Variants in CASD1 observed in about 807,000 individuals in gnomAD.
CASD1 encodes N-acetylneuraminate (7)9-O-acetyltransferase.
CASD1 carries 41 observed loss-of-function variants against 100.0 expected under a neutral mutation model. The observed-to-expected ratio is 0.41, with a 90% confidence interval of 0.32 to 0.53. The LOEUF (loss-of-function observed/expected upper bound fraction) is 0.53, where lower values mean the gene tolerates loss of function less well. CASD1 is among the 20% of genes least tolerant of loss of function. CASD1 has a pLI of 0.25. For synonymous variants in CASD1, 321 were observed against 315.6 expected, an observed-to-expected ratio of 1.02 and a Z score of -0.18; for missense variants, 774 against 948.7, an observed-to-expected ratio of 0.82 and a Z score of 2.42.
chr7:94,562,980 A>G, the CASD1 span, among the ~76,000 whole-genome samples: 1,616 of 152,226 alleles, frequency 0.011, 28 homozygotes, highest in African/African-American at 0.037. Context: ...CTTCAGAAAA[A>G]TAAGAGACAC....
At chr7:94,557,636 C>T (rs563608784), downstream of CASD1, among the ~76,000 whole-genome samples, 5 of 152,108 alleles carry the variant, frequency 3.3e-5, no homozygotes, top group Admixed American at 2.0e-4. Flanking sequence ...GTAGGGATGC[C>T]GCAGTGAATA....
chr7:94,622,172 C>T, the CASD1 span: 1 of 152,176 alleles, frequency 6.6e-6, no homozygotes, highest in Admixed American at 6.5e-5. Flanking sequence ...GGTGTTTGCT[C>T]ATTTGTTTTT....
chr7:94,573,887 T>C, the CASD1 span, among the ~76,000 whole-genome samples: 2 of 152,242 alleles, frequency 1.3e-5, no homozygotes, highest in African/African-American at 4.8e-5. Context: ...GCTCTCATTA[T>C]TTTGAAGTAT....
chr7:94,535,634 ACT>A (rs1455969378), intron 8 of CASD1, 111 bp downstream of exon 8: 4 of 745,036 alleles, frequency 5.4e-6, no homozygotes, highest in Non-Finnish European at 6.6e-6. Flanking sequence ...AGTCTTAGTA[ACT>A]TGTAGTTATT....
the CASD1 span, chr7:94,600,067 C>G: frequency 1.9e-4 from 42 of 225,072 alleles, 1 homozygote; most frequent in African/African-American, 9.4e-4. Flanking sequence ...CTTTGTTGCC[C>G]TGACTTCCAG....
At chr7:94,594,035 G>GTGGT in the CASD1 span, among the ~76,000 whole-genome samples, 3 of 152,052 alleles carry the variant, frequency 2.0e-5, no homozygotes, top group Non-Finnish European at 2.9e-5. Context: ...CTGACACAAC[G>GTGGT]TGGTTTGGGA....
intron 3 of CASD1, among the ~76,000 whole-genome samples, chr7:94,522,761 C>T (rs1370663987): frequency 6.6e-6 from 1 of 151,964 alleles, no homozygotes; most frequent in Admixed American, 6.6e-5. Flanking sequence ...GGGTTCACGC[C>T]ATTCTCCCGC....
chr7:94,627,098 C>G, the CASD1 span: 1 of 152,012 alleles, frequency 6.6e-6, no homozygotes, highest in Non-Finnish European at 1.5e-5. Context: ...TATAGTTACA[C>G]TGCCTTAAGG....
At chr7:94,546,314 CCA>C (rs1335932242) in intron 12 of CASD1, among the ~76,000 whole-genome samples, 1 of 151,862 alleles carries the variant, frequency 6.6e-6, no homozygotes, top group African/African-American at 2.4e-5. Flanking sequence ...CAAAGTGAGG[CCA>C]CAGTCACTTA....
At chr7:94,601,612 A>G in the CASD1 span, among the ~76,000 whole-genome samples, 1 of 152,090 alleles carries the variant, frequency 6.6e-6, no homozygotes, top group African/African-American at 2.4e-5. Flanking sequence ...TACATTTGCT[A>G]CTAAAATAAA....
At chr7:94,553,778 C>T (rs1796064548) in intron 16 of CASD1, 2 of 117,680 alleles carry the variant, frequency 1.7e-5, no homozygotes, top group African/African-American at 6.1e-5. Context: ...GCACATGTAC[C>T]CTAGAACTTA....
At chr7:94,532,877 G>C (rs962993573) in intron 5 of CASD1, among the ~76,000 whole-genome samples, 1 of 152,048 alleles carries the variant, frequency 6.6e-6, no homozygotes, top group African/African-American at 2.4e-5. Context: ...TAATACACTA[G>C]AGCTTTACTC....
At chr7:94,573,984 A>G in the CASD1 span, among the ~76,000 whole-genome samples, 2 of 152,196 alleles carry the variant, frequency 1.3e-5, no homozygotes, top group African/African-American at 4.8e-5. Context: ...CTATTGAGAT[A>G]ACCATATGGT....
intron 10 of CASD1, among the ~76,000 whole-genome samples, chr7:94,542,483 A>G (rs927334368): frequency 6.6e-6 from 1 of 152,238 alleles, no homozygotes; most frequent in African/African-American, 2.4e-5. Flanking sequence ...TAAATAAAAT[A>G]TATTTATTGA....
At chr7:94,565,014 C>T in the CASD1 span, among the ~76,000 whole-genome samples, 1 of 152,032 alleles carries the variant, frequency 6.6e-6, no homozygotes, top group African/African-American at 2.4e-5. Context: ...GCCTCCTGCT[C>T]CTCTATTCTT....
chr7:94,628,192 TG>T, the CASD1 span: 1 of 1,606,746 alleles, frequency 6.2e-7, no homozygotes. Context: ...TCTTTCTAGG[TG>T]TAAATTACCT....
intron 6 of CASD1, 125 bp downstream of exon 6, chr7:94,533,374 G>T (rs977829001): frequency 1.5e-6 from 1 of 667,560 alleles, no homozygotes; most frequent in South Asian, 2.6e-5. Flanking sequence ...CTTCTATTAT[G>T]ATTAGATTGA....
chr7:94,623,261 A>G, the CASD1 span: 1 of 972,650 alleles, frequency 1.0e-6, no homozygotes, highest in South Asian at 1.5e-5. Context: ...TATTTTATGT[A>G]GTTATAAAAC....
chr7:94,544,400 T>C lies in CASD1; in HGVS notation c.1357-11T>C, dbSNP rs1441705661. On this transcript the variant is annotated splice_polypyrimidine_tract_variant and intron_variant, in intron 10 of 17. Coordinates refer to ENST00000297273, the MANE Select transcript of CASD1 (RefSeq NM_022900.5). ...CCAACATATGTTTTACCTGTTTATC[T>C]TTGTCAACAGTTTTTGCCTGTATAC... The C allele has an allele frequency of 6.2e-7, 1 of 1,612,648 alleles. No homozygotes were observed. Among genetic ancestry groups the C allele is most frequent in the African/African-American group, 1.3e-5 (1 of 74,992 alleles).
Sources: gnomAD v4.1 joint callset for allele counts (sites outside exome capture counted in the v4.1 genomes callset) on GRCh38, gnomAD v4.1.1 for gene constraint, MANE v1.5 for transcripts, NCBI Gene and HGNC (gene_info 2026-07-23, HGNC 2026-07-21) for gene names.